PLA2R1: variants seen among roughly 807,000 people sequenced by gnomAD.
PLA2R1 encodes phospholipase A2 receptor 1, also known as secretory phospholipase A2 receptor.
In PLA2R1, 158 loss-of-function variants were observed where a neutral mutation model predicts 195.9. That is an observed-to-expected ratio of 0.81 (90% CI 0.71 to 0.92). The LOEUF (loss-of-function observed/expected upper bound fraction) is 0.92, where lower values mean the gene tolerates loss of function less well. Ranked by LOEUF, PLA2R1 falls within the 40% of genes least tolerant of loss-of-function variation. The pLI is 0.00. For missense variants in PLA2R1, 1,626 were observed against 1,764.6 expected, an observed-to-expected ratio of 0.92 and a Z score of 1.41; for synonymous variants, 586 against 598.2, an observed-to-expected ratio of 0.98 and a Z score of 0.30.
chr2:160,028,513 TC>T, intron 5 of PLA2R1, 152 bp from the exon 6 acceptor site: 1 of 650,666 alleles, frequency 1.5e-6, no homozygotes, highest in Non-Finnish European at 2.7e-6. Context: ...GCAGTTACAG[TC>T]CAGGCATGTC....
chr2:159,930,885 T>C (rs974871872), downstream of PLA2R1, among the ~76,000 whole-genome samples: 5 of 152,210 alleles, frequency 3.3e-5, no homozygotes, highest in African/African-American at 1.2e-4. Flanking sequence ...ACCTCCGTGA[T>C]TTCCTTTTTC....
At chr2:160,004,784 G>C (rs142339653) in intron 11 of PLA2R1, among the ~76,000 whole-genome samples, 1 of 152,158 alleles carries the variant, frequency 6.6e-6, no homozygotes, top group Non-Finnish European at 1.5e-5. Context: ...TGGTTCTAGT[G>C]TAGGCTGTGG....
chr2:159,942,371 G>A (rs1687133825), intron 28 of PLA2R1, among the ~76,000 whole-genome samples: 1 of 152,134 alleles, frequency 6.6e-6, no homozygotes, highest in Non-Finnish European at 1.5e-5. Flanking sequence ...GGCTCCCAAA[G>A]CCTAAAATGT....
the PLA2R1 span, among the ~76,000 whole-genome samples, chr2:159,926,229 TAAA>T: frequency 6.6e-6 from 1 of 152,244 alleles, no homozygotes; most frequent in Non-Finnish European, 1.5e-5. Context: ...TCATGTATTA[TAAA>T]TCAAATTCAA....
intron 13 of PLA2R1, among the ~76,000 whole-genome samples, chr2:159,982,675 A>T (rs1348437869): frequency 6.6e-6 from 1 of 152,206 alleles, no homozygotes; most frequent in Non-Finnish European, 1.5e-5. Flanking sequence ...GATGTGGAAG[A>T]TGAATAATCT....
At chr2:159,998,282 G>A (rs1430726092) in intron 11 of PLA2R1, among the ~76,000 whole-genome samples, 2 of 152,136 alleles carry the variant, frequency 1.3e-5, no homozygotes, top group Admixed American at 1.3e-4. Flanking sequence ...TATTTACAAT[G>A]CAGTAGCAAC....
At position 159,939,513 on chromosome 2, in the gene PLA2R1, A is replaced by T. The variant is rs1686997146; in HGVS notation, c.*2265T>A. On this transcript the variant is annotated 3_prime_UTR_variant, in exon 30 of 30. Transcript: ENST00000283243. Reference sequence around the variant, plus strand: ...GAGCAAGACTCCATCTCCAAAAAAAAAAAAAAAAAATGAAAAAAAGTTTCA... The same window carrying T: ...GAGCAAGACTCCATCTCCAAAAAAATAAAAAAAAAATGAAAAAAAGTTTCA... 6.6e-6 allele frequency: 1 copy of T among 151,824 alleles called. No individual in the cohort carries two copies. The highest frequency in any genetic ancestry group is 2.4e-5 in the African/African-American group (1 of 41,344). 9.4% of individuals were successfully genotyped at this position (151,824 alleles called of 1,614,324 possible).
chr2:159,987,319 G>A lies in PLA2R1; in HGVS notation c.1874C>T (p.Pro625Leu), dbSNP rs1357543672. Residue 625 changes from proline to leucine, a missense_variant, in exon 12 of 30, where the codon CCA (proline) becomes CTA (leucine). By Grantham distance (98) the Pro-to-Leu change is moderately conservative (BLOSUM62 -3). Coordinates refer to ENST00000283243, the MANE Select transcript of PLA2R1 (RefSeq NM_007366.5). ...GTGCTTCACTTCCCAGCGACCAAGTGGATGCCTTCCTCGCATGGCAACACA... is the reference window on the plus strand; with the variant it reads ...GTGCTTCACTTCCCAGCGACCAAGTAGATGCCTTCCTCGCATGGCAACACA... ...GGCVAMRGRH[P>L]LGRWEVKHCR... 2 of 1,612,220 alleles carry A rather than the reference G, an allele frequency of 1.2e-6. No individual in the cohort carries two copies. Among genetic ancestry groups the A allele is most frequent in the Admixed American group, 3.3e-5 (2 of 59,996 alleles).
At chr2:159,929,866 G>GTA (rs1287199929), downstream of PLA2R1, among the ~76,000 whole-genome samples, 4 of 113,846 alleles carry the variant, frequency 3.5e-5, no homozygotes, top group African/African-American at 1.2e-4. Context: ...GTGTGTGTGT[G>GTA]TGTGTGTATA....
At chr2:160,010,646 A>G (rs1558919390) in intron 10 of PLA2R1, among the ~76,000 whole-genome samples, 1 of 152,114 alleles carries the variant, frequency 6.6e-6, no homozygotes, top group African/African-American at 2.4e-5. Flanking sequence ...ACTAGTGGAC[A>G]CTCCTGGATC....
chr2:160,022,512 A>T (rs1281697940), intron 7 of PLA2R1, among the ~76,000 whole-genome samples, 153 bp downstream of exon 7: 2 of 152,182 alleles, frequency 1.3e-5, no homozygotes, highest in African/African-American at 2.4e-5. Context: ...AAATCCAATA[A>T]ATTTGAACTC....
chr2:159,955,140 C>G, intron 23 of PLA2R1, 59 bp downstream of exon 23: 1 of 1,351,758 alleles, frequency 7.4e-7, no homozygotes, highest in Non-Finnish European at 1.0e-6. Flanking sequence ...GTAAAACCAA[C>G]ATGAAAGAGA....
At chr2:159,955,171 A>G (rs762269398) in intron 23 of PLA2R1, 28 bp downstream of exon 23, 28 of 1,569,782 alleles carry the variant, frequency 1.8e-5, no homozygotes, top group Non-Finnish European at 2.4e-5. Context: ...TTGGAAATGA[A>G]AGGAATAAAA....
intron 1 of PLA2R1, among the ~76,000 whole-genome samples, chr2:160,050,137 T>TA (rs2105656291): frequency 6.6e-6 from 1 of 152,332 alleles, no homozygotes; most frequent in South Asian, 2.1e-4. Flanking sequence ...ACAATTATTT[T>TA]AAAAGATTTA....
At chr2:159,951,698 T>C (rs559604496) in intron 23 of PLA2R1, 120 bp from the exon 24 acceptor site, 4 of 656,326 alleles carry the variant, frequency 6.1e-6, no homozygotes, top group African/African-American at 3.6e-5. Flanking sequence ...TCTTCTGGAA[T>C]TGACTGTTTC....
intron 11 of PLA2R1, among the ~76,000 whole-genome samples, chr2:159,994,401 A>G (rs565212540): frequency 1.2e-4 from 18 of 152,168 alleles, no homozygotes; most frequent in South Asian, 4.1e-4. Context: ...ACCAATTACA[A>G]TGTGTGAACC....
chr2:159,967,717 T>C (rs772620403), intron 19 of PLA2R1, 39 bp from the exon 20 acceptor site: 9 of 1,585,120 alleles, frequency 5.7e-6, no homozygotes, highest in Non-Finnish European at 8.6e-7. Flanking sequence ...TTAGGAACAA[T>C]GGCGATTCTT....
chr2:159,947,638 A>G (rs2125924108), intron 25 of PLA2R1, 79 bp from the exon 26 acceptor site: 1 of 1,301,990 alleles, frequency 7.7e-7, no homozygotes, highest in East Asian at 2.3e-5. Flanking sequence ...TACATTCTAT[A>G]AAAGATCAAG....
Position 160,042,123 on chromosome 2 carries a change from T to A in PLA2R1, c.569A>T (p.His190Leu). Reference protein sequence around the residue: ...FPFQYNHQWHHECTREGREDD... With the variant: ...FPFQYNHQWHLECTREGREDD... Reference sequence around the variant, plus strand: ...TTCCCGACCTTCACGGGTACATTCATGATGCCACTGATGGTTATACTGGAA... The same window carrying A: ...TTCCCGACCTTCACGGGTACATTCAAGATGCCACTGATGGTTATACTGGAA... The change falls in exon 3 of 30, where the codon CAT (histidine) becomes CTT (leucine). Residue 190 changes from histidine to leucine, a missense_variant. Transcript: ENST00000283243. 1 of 1,614,108 alleles carries A rather than the reference T, an allele frequency of 6.2e-7. No homozygotes were observed. Among genetic ancestry groups the A allele is most frequent in the Non-Finnish European group, 8.5e-7 (1 of 1,179,894 alleles).
Sources: allele counts gnomAD v4.1 joint callset (sites outside exome capture counted in the v4.1 genomes callset), GRCh38; gene constraint gnomAD v4.1.1; transcripts MANE v1.5; gene names NCBI Gene and HGNC (gene_info 2026-07-23, HGNC 2026-07-21).